ABCC4: variants seen among roughly 807,000 people sequenced by gnomAD.
ABCC4 encodes ATP binding cassette subfamily C member 4 (PEL blood group), also known as ATP-binding cassette sub-family C member 4.
ABCC4 carries 102 observed loss-of-function variants against 168.5 expected under a neutral mutation model. That is an observed-to-expected ratio of 0.61 (90% CI 0.52 to 0.71). The LOEUF (loss-of-function observed/expected upper bound fraction) is 0.71. Among genes scored for constraint, ABCC4 ranks in the 30% least tolerant of loss-of-function variants. ABCC4 has a pLI of 0.00. For missense variants in ABCC4, 1,402 were observed against 1,605.8 expected (o/e 0.87, Z 2.17); for synonymous variants, 617 against 590.7 (o/e 1.04, Z -0.65).
chr13:95,107,412 C>T lies in ABCC4; in HGVS notation c.2535+8510G>A, dbSNP rs559116721. On this transcript the variant is annotated intron_variant, in intron 20 of 30. Transcript: ENST00000645237. ...TATTTAAATTTAACTCTTTAGTATA[C>T]TTATGTAACTTTCTATAAAGAATGC... Among the ~76,000 whole-genome samples the T allele has an allele frequency of 3.3e-5, 5 of 152,174 alleles. No homozygotes were observed. In the East Asian group the frequency reaches 7.7e-4, roughly 23 times the overall value.
chr13:95,138,827 C>T (rs965083951), intron 19 of ABCC4, among the ~76,000 whole-genome samples: 4 of 152,242 alleles, frequency 2.6e-5, no homozygotes, highest in African/African-American at 9.6e-5. Flanking sequence ...TTTATCTGCC[C>T]TGCATGGCCC....
chr13:95,193,931 C>T (rs2038338025), intron 9 of ABCC4, among the ~76,000 whole-genome samples: 1 of 152,214 alleles, frequency 6.6e-6, no homozygotes, highest in Non-Finnish European at 1.5e-5. Context: ...TAAAACCTGC[C>T]CCATCCCCCA....
chr13:95,128,164 C>T (rs1367860731), intron 19 of ABCC4, among the ~76,000 whole-genome samples: 1 of 152,164 alleles, frequency 6.6e-6, no homozygotes, highest in Non-Finnish European at 1.5e-5. Flanking sequence ...TCAGAATACA[C>T]ACTGTTCTTA....
rs151329056 is a variant in ABCC4, at chr13:95,157,353, G to A, written c.2455+3836C>T. Reference sequence around the variant, plus strand: ...AATACAAAAAAAAAAAAAATTAGCCGGATGTGGTGGCAGACACCTGTAATA... The same window carrying A: ...AATACAAAAAAAAAAAAAATTAGCCAGATGTGGTGGCAGACACCTGTAATA... On this transcript the variant is annotated intron_variant, in intron 19 of 30. Transcript: ENST00000645237. Among the ~76,000 whole-genome samples the A allele has an allele frequency of 9.7e-3, 1,480 of 151,846 alleles. 9 individuals are homozygous for A. The highest frequency in any genetic ancestry group is 0.016 in the Non-Finnish European group (1,076 of 67,960).
chr13:95,186,429 T>C (rs1019832772), intron 11 of ABCC4, among the ~76,000 whole-genome samples: 2 of 151,994 alleles, frequency 1.3e-5, no homozygotes, highest in African/African-American at 4.8e-5. Flanking sequence ...ATTTTTATAA[T>C]TGTCCATTTT....
chr13:95,275,561 T>C (rs1475116812), intron 1 of ABCC4, among the ~76,000 whole-genome samples: 1 of 151,878 alleles, frequency 6.6e-6, no homozygotes, highest in African/African-American at 2.4e-5. Flanking sequence ...TACTTCTTTG[T>C]AACCATCCTT....
intron 6 of ABCC4, 67 bp from the exon 7 acceptor site, chr13:95,207,992 CA>C: frequency 2.6e-6 from 4 of 1,560,434 alleles, no homozygotes; most frequent in Non-Finnish European, 3.5e-6. Context: ...GCGGCAGGCA[CA>C]GGCAGGGACC....
chr13:95,022,147 C>T (rs1488085297), intron 30 of ABCC4, among the ~76,000 whole-genome samples: 1 of 152,176 alleles, frequency 6.6e-6, no homozygotes, highest in Non-Finnish European at 1.5e-5. Context: ...CATTGAAATG[C>T]TGGCATATAC....
At chr13:95,174,265 G>A (rs2037584774) in intron 13 of ABCC4, among the ~76,000 whole-genome samples, 1 of 152,104 alleles carries the variant, frequency 6.6e-6, no homozygotes, top group Admixed American at 6.5e-5. Flanking sequence ...AACAACTCTC[G>A]ATATATATTC....
intron 25 of ABCC4, among the ~76,000 whole-genome samples, chr13:95,064,252 G>GTATA (rs763934713): frequency 1.3e-4 from 15 of 118,140 alleles, no homozygotes; most frequent in Admixed American, 1.8e-4. Flanking sequence ...CCGGGTGTGT[G>GTATA]TGTGTGTGTA....
chr13:95,207,603 A>C (rs1470346887), intron 7 of ABCC4, among the ~76,000 whole-genome samples, 197 bp downstream of exon 7: 3 of 152,232 alleles, frequency 2.0e-5, no homozygotes, highest in Non-Finnish European at 4.4e-5. Context: ...TTTCTGTTTA[A>C]GAACATGGTA....
intron 8 of ABCC4, among the ~76,000 whole-genome samples, chr13:95,195,767 G>A (rs1259820525): frequency 6.6e-6 from 1 of 151,910 alleles, no homozygotes; most frequent in Admixed American, 6.6e-5. Context: ...CCAAGTAGCT[G>A]GGATTACAGG....
intron 3 of ABCC4, among the ~76,000 whole-genome samples, chr13:95,239,566 C>T (rs2039874532): frequency 6.6e-6 from 1 of 152,112 alleles, no homozygotes; most frequent in Admixed American, 6.5e-5. Context: ...GGCCCAACTT[C>T]GATAGACTCC....
At chr13:95,124,396 T>C (rs1220475732) in intron 19 of ABCC4, among the ~76,000 whole-genome samples, 1 of 151,848 alleles carries the variant, frequency 6.6e-6, no homozygotes, top group East Asian at 1.9e-4. Flanking sequence ...TGATTGGAGA[T>C]GTCATCCCAC....
intron 4 of ABCC4, among the ~76,000 whole-genome samples, chr13:95,232,710 A>C (rs1180460454): frequency 1.3e-5 from 2 of 152,060 alleles, no homozygotes; most frequent in Non-Finnish European, 2.9e-5. Context: ...GCTTAAAAAA[A>C]CGGCCCAGGA....
Position 95,072,376 on chromosome 13 carries a change from G to A in ABCC4, c.3019-523C>T, listed in dbSNP as rs555439818. On this transcript the variant is annotated intron_variant, in intron 24 of 30. Coordinates refer to ENST00000645237, the MANE Select transcript of ABCC4 (RefSeq NM_005845.5). ...CTCAGGAGGCTGAGGCAGGAAAATCGCTTGAACCCGGGAGGCGGAGGTTGC... is the reference window on the plus strand; with the variant it reads ...CTCAGGAGGCTGAGGCAGGAAAATCACTTGAACCCGGGAGGCGGAGGTTGC... Among the ~76,000 whole-genome samples the A allele has an allele frequency of 5.3e-5, 8 of 152,184 alleles. No individual in the cohort carries two copies. In the South Asian group the frequency reaches 6.2e-4, roughly 12 times the overall value.
intron 21 of ABCC4, among the ~76,000 whole-genome samples, chr13:95,078,517 C>T (rs2033985139): frequency 6.6e-6 from 1 of 152,306 alleles, no homozygotes; most frequent in East Asian, 1.9e-4. Context: ...TGTAACTTTG[C>T]ACTGGGAAGG....
chr13:95,206,774 TCTC>T lies in ABCC4; in HGVS notation c.916_918del (p.Glu306del). 6.2e-7 allele frequency: 1 copy of T among 1,613,926 alleles called. No homozygotes were observed. Among genetic ancestry groups the T allele is most frequent in the Non-Finnish European group, 8.5e-7 (1 of 1,179,954 alleles). Reference sequence around the variant, plus strand: ...CAGGAACTTCTCAGAATCTTGGAAATCTCCTTCCTGAAAGAGAGTACAGGTTTT... The same window carrying T: ...CAGGAACTTCTCAGAATCTTGGAAATCTTCCTGAAAGAGAGTACAGGTTTT... On this transcript the variant is annotated inframe_deletion, in exon 8 of 31. Transcript: ENST00000645237.
At chr13:95,210,899 AT>A (rs759435697) in intron 4 of ABCC4, 118 bp from the exon 5 acceptor site, 10 of 637,078 alleles carry the variant, frequency 1.6e-5, no homozygotes, top group Non-Finnish European at 2.5e-5. Flanking sequence ...AAGCACAAGC[AT>A]CCCCACCCCC....
Sources: allele counts gnomAD v4.1 joint callset (sites outside exome capture counted in the v4.1 genomes callset), GRCh38; gene constraint gnomAD v4.1.1; transcripts MANE v1.5; gene names NCBI Gene and HGNC (gene_info 2026-07-23, HGNC 2026-07-21).